Variants in DYNLT3 observed in about 807,000 individuals in gnomAD.
DYNLT3 encodes the protein dynein light chain Tctex-type 3, also known as protein 91/23.
DYNLT3 carries 4 observed loss-of-function variants against 11.0 expected under a neutral mutation model. The observed-to-expected ratio is 0.36, with a 90% CI of 0.18 to 0.83. The LOEUF is 0.83. Ranked by LOEUF, DYNLT3 falls within the 40% of genes least tolerant of loss-of-function variation. The probability of loss-of-function intolerance (pLI) is 0.47; values close to 1 mark genes in which losing one functional copy is unlikely to be tolerated. For missense variants in DYNLT3, 91 were observed against 91.1 expected (o/e 1.00, Z 0.01); for synonymous variants, 37 against 31.2 (o/e 1.18, Z -0.61).
At chrX:37,840,779 C>T (rs188777044) in intron 4 of DYNLT3, 128 bp from the exon 5 acceptor site, 2 of 392,883 alleles carry the variant, frequency 5.1e-6, no homozygotes, top group Non-Finnish European at 8.2e-6. Flanking sequence ...CACACACACA[C>T]ACACACACAC....
intron 1 of DYNLT3, chrX:37,847,248 C>A: frequency 1.0e-6 from 1 of 953,534 alleles, no homozygotes; most frequent in Non-Finnish European, 1.4e-6. Flanking sequence ...GCCCCGACCC[C>A]ACCGTCTGAT....
intron 3 of DYNLT3, among the ~76,000 whole-genome samples, chrX:37,841,376 T>C (rs182382973): frequency 4.5e-5 from 5 of 112,138 alleles, no homozygotes; most frequent in African/African-American, 1.3e-4. Flanking sequence ...AGGAAAAATA[T>C]CAGTCAAATT....
intron 4 of DYNLT3, 56 bp from the exon 5 acceptor site, chrX:37,840,707 A>T: frequency 4.6e-6 from 3 of 649,117 alleles, no homozygotes; most frequent in Non-Finnish European, 6.8e-6. Context: ...ATTATCAGAG[A>T]ATATATATAT....
intron 1 of DYNLT3, 91 bp downstream of exon 1, chrX:37,847,390 G>A: frequency 1.0e-6 from 1 of 997,989 alleles, no homozygotes; most frequent in South Asian, 3.7e-5. Context: ...CCAACTCTTG[G>A]GACCGCCCTC....
Position 37,840,658 on chromosome X carries a change from C to T in DYNLT3, c.275-7G>A. The T allele has an allele frequency of 8.5e-7, 1 of 1,179,168 alleles. No homozygotes were observed. Among genetic ancestry groups the T allele is most frequent in the Non-Finnish European group, 1.1e-6 (1 of 880,917 alleles). The stretch of plus-strand genomic sequence containing the variant: ...CATCTTACGGTACAGGTTCCTGAAA[C>T]ACAAAAAAAGGATTTTGAAATACCA... On this transcript the variant is annotated splice_region_variant and splice_polypyrimidine_tract_variant and intron_variant, in intron 4 of 4. Coordinates refer to ENST00000378578, the MANE Select transcript of DYNLT3 (RefSeq NM_006520.3).
At chrX:37,842,454 C>T (rs1174491179) in intron 2 of DYNLT3, among the ~76,000 whole-genome samples, 1 of 110,115 alleles carries the variant, frequency 9.1e-6, no homozygotes, top group Non-Finnish European at 1.9e-5. Flanking sequence ...TATTCTCATT[C>T]ATACTATGTG....
At chrX:37,844,001 T>C (rs1026342744) in intron 2 of DYNLT3, among the ~76,000 whole-genome samples, 4 of 111,974 alleles carry the variant, frequency 3.6e-5, no homozygotes, top group African/African-American at 1.3e-4. Context: ...GTAGCAAAGC[T>C]GAGTTTCTTT....
chrX:37,846,949 A>G, intron 1 of DYNLT3: 1 of 1,123,944 alleles, frequency 8.9e-7, no homozygotes, highest in Non-Finnish European at 1.2e-6. Context: ...AACTGACATC[A>G]TGGGTTTCTG....
rs1003773040 is a variant in DYNLT3, at chrX:37,847,278, C to A, written c.30+203G>T. On this transcript the variant is annotated intron_variant, in intron 1 of 4. Transcript: ENST00000378578. ...TCTGATCCGCGCGCTCCTGGCCACC[C>A]CTCCCACCCCGAATCTCAGGACTTT... The A allele has an allele frequency of 1.1e-5, 10 of 884,312 alleles. No homozygotes were observed. In the African/African-American group the frequency reaches 2.1e-4, roughly 18 times the overall value. The allele number at this position is 884,312 out of a possible 1,213,427, so 72.9% of individuals were successfully genotyped here.
At position 37,839,201 on chromosome X, in the gene DYNLT3, C is replaced by T. The variant is rs1930096125; in HGVS notation, c.*1374G>A. ...TGCCTTAATATTGTCAATATTAACG[C>T]TAAGCTTATTCCTCTCCAAAATTCA... On this transcript the variant is annotated 3_prime_UTR_variant, in exon 5 of 5. Transcript: ENST00000378578. 1.8e-5 allele frequency: 2 copies of T among 112,019 alleles called. No individual in the cohort carries two copies. Among genetic ancestry groups the T allele is most frequent in the Admixed American group, 9.5e-5 (1 of 10,509 alleles). The allele number at this position is 112,019 out of a possible 1,213,427, so 9.2% of individuals were successfully genotyped here. A position where few individuals can be genotyped will look rare whatever the true frequency, so the allele number is the denominator to read the frequency against.
chrX:37,841,305 T>C (rs1930153267), intron 3 of DYNLT3, among the ~76,000 whole-genome samples, 200 bp from the exon 4 acceptor site: 1 of 112,582 alleles, frequency 8.9e-6, no homozygotes, highest in Non-Finnish European at 1.9e-5. Context: ...ATCATGATTT[T>C]GACCCCACTG....
At position 37,847,016 on chromosome X, in the gene DYNLT3, T is replaced by G. The variant is rs745976978; in HGVS notation, c.30+465A>C. The stretch of plus-strand genomic sequence containing the variant: ...AAGGGCTCGTAATCCATAAAGCACC[T>G]CCTTGCCTAATCCTGGCAAGCATTA... On this transcript the variant is annotated intron_variant, in intron 1 of 4. Transcript: ENST00000378578. 5.8e-5 allele frequency: 67 copies of G among 1,164,142 alleles called. No homozygotes were observed. In the African/African-American group the frequency reaches 1.1e-3, roughly 19 times the overall value.
Position 37,841,208 on chromosome X carries a change from AAAAC to A in DYNLT3, c.197-107_197-104del, listed in dbSNP as rs376760993. 1.3e-4 allele frequency: 84 copies of A among 626,303 alleles called. 2 individuals are homozygous for A. The highest frequency in any genetic ancestry group is 8.2e-4 in the African/African-American group (36 of 43,898). The allele number at this position is 626,303 out of a possible 1,213,427, so 51.6% of individuals were successfully genotyped here. ...GCTCTACAAGCCGAAAACAAGACAA[AAAAC>A]AAACAAACAAACAAAAAACAGAAAA... On this transcript the variant is annotated intron_variant, in intron 3 of 4. Coordinates refer to ENST00000378578, the MANE Select transcript of DYNLT3 (RefSeq NM_006520.3).
chrX:37,847,447 T>TG (rs763171603), intron 1 of DYNLT3, 34 bp downstream of exon 1: 2 of 1,000,141 alleles, frequency 2.0e-6, no homozygotes. Flanking sequence ...AAGGCGGGAG[T>TG]GGGGGGCGCT....
intron 3 of DYNLT3, among the ~76,000 whole-genome samples, chrX:37,841,575 A>C (rs4506367): frequency 0.49 from 53,903 of 110,565 alleles, 10,540 homozygotes; most frequent in African/African-American, 0.74. Flanking sequence ...CTACCAAAGA[A>C]AAGTAGCTCA....
Position 37,841,116 on chromosome X carries a change from A to C in DYNLT3, c.197-11T>G. 1 of 1,200,220 alleles carries C rather than the reference A, an allele frequency of 8.3e-7. No individual in the cohort carries two copies. The highest frequency in any genetic ancestry group is 1.1e-6 in the Non-Finnish European group (1 of 888,285). ...CCACTGCACAGGTCACTGCAAATAA[A>C]GTCACAGAATGAGGGCACTTACAGA... On this transcript the variant is annotated splice_polypyrimidine_tract_variant and intron_variant, in intron 3 of 4. Transcript: ENST00000378578.
intron 4 of DYNLT3, 40 bp from the exon 5 acceptor site, chrX:37,840,691 A>G: frequency 9.7e-7 from 1 of 1,031,154 alleles, no homozygotes; most frequent in Non-Finnish European, 1.3e-6. Context: ...CCAGCAAAAC[A>G]TAAAAATTAT....
chrX:37,847,083 C>T, intron 1 of DYNLT3: 1 of 1,165,714 alleles, frequency 8.6e-7, no homozygotes, highest in South Asian at 1.9e-5. Flanking sequence ...CCCGAGACTC[C>T]GAGCCATGGG....
chrX:37,847,344 C>G, intron 1 of DYNLT3, 137 bp downstream of exon 1: 1 of 922,087 alleles, frequency 1.1e-6, no homozygotes, highest in Non-Finnish European at 1.4e-6. Flanking sequence ...ATCCCGGGCC[C>G]AGGGGAGAGG....
Sources: gnomAD v4.1 joint callset for allele counts (sites outside exome capture counted in the v4.1 genomes callset) on GRCh38, gnomAD v4.1.1 for gene constraint, MANE v1.5 for transcripts, NCBI Gene and HGNC (gene_info 2026-07-23, HGNC 2026-07-21) for gene names.